Variants in PCDHA12 observed in about 807,000 individuals in gnomAD.
PCDHA12 encodes the protein protocadherin alpha 12, also known as protocadherin alpha-12.
In PCDHA12, 44 loss-of-function variants were observed where a neutral mutation model predicts 60.0. The ratio of observed to expected loss-of-function variants is 0.73; its 90% CI spans 0.58 to 0.94. PCDHA12 has a LOEUF of 0.94. PCDHA12 is among the 40% of genes least tolerant of loss of function. The probability of loss-of-function intolerance (pLI) is 0.00; values close to 1 mark genes in which losing one functional copy is unlikely to be tolerated. For synonymous variants in PCDHA12, 569 were observed against 553.0 expected, an observed-to-expected ratio of 1.03 and a Z score of -0.40; for missense variants, 1,276 against 1,239.7, an observed-to-expected ratio of 1.03 and a Z score of -0.44.
At chr5:141,001,522 C>G (rs1554258201) in intron 3 of PCDHA12, among the ~76,000 whole-genome samples, 1 of 152,214 alleles carries the variant, frequency 6.6e-6, no homozygotes, top group African/African-American at 2.4e-5. Context: ...TTCTCCCTCT[C>G]TCTCTGATCC....
chr5:141,009,651 C>A lies in PCDHA12; in HGVS notation c.2540C>A (p.Pro847His). 1 of 1,613,950 alleles carries A rather than the reference C, an allele frequency of 6.2e-7. No individual in the cohort carries two copies. The highest frequency in any genetic ancestry group is 8.5e-7 in the Non-Finnish European group (1 of 1,179,936). Residue 847 changes from proline (P) to histidine (H), a missense_variant, in exon 4 of 4, where the codon CCT (proline) becomes CAT (histidine). By Grantham distance (77) the Pro-to-His change is moderately conservative. Coordinates refer to ENST00000398631, the MANE Select transcript of PCDHA12 (RefSeq NM_018903.4). Reference protein sequence around the residue: ...TPEPEAGEVSPPVGAGVNSNS... With the variant: ...TPEPEAGEVSHPVGAGVNSNS... ...GAACCAGAGGCAGGAGAAGTGTCCC[C>A]TCCAGTCGGTGCGGGTGTCAACAGC...
chr5:140,888,446 A>G (rs1411131603), intron 1 of PCDHA12, among the ~76,000 whole-genome samples: 3 of 152,190 alleles, frequency 2.0e-5, no homozygotes, highest in Non-Finnish European at 2.9e-5. Context: ...GCCCAACAAT[A>G]AAGAATTAGC....
intron 1 of PCDHA12, chr5:140,969,475 C>A: frequency 1.4e-6 from 2 of 1,476,386 alleles, no homozygotes; most frequent in South Asian, 1.4e-5. Context: ...ACAATTTGAT[C>A]ATAATCTGCT....
Sources: allele counts gnomAD v4.1 joint callset (sites outside exome capture counted in the v4.1 genomes callset), GRCh38; gene constraint gnomAD v4.1.1; transcripts MANE v1.5; gene names NCBI Gene and HGNC (gene_info 2026-07-23, HGNC 2026-07-21).